The following BICRAL variants were observed in gnomAD, a reference collection of about 807,000 sequenced individuals.
BICRAL encodes BRD4-interacting chromatin-remodeling complex-associated protein-like.
A neutral mutation model predicts 91.8 loss-of-function variants in BICRAL; 8 were observed. The observed-to-expected ratio is 0.09, with a 90% CI of 0.05 to 0.16. BICRAL has a LOEUF of 0.16. Among genes scored for constraint, BICRAL ranks in the 10% least tolerant of loss-of-function variants. The probability of loss-of-function intolerance (pLI) is 1.00; values close to 1 mark genes in which losing one functional copy is unlikely to be tolerated. For synonymous variants in BICRAL, 445 were observed against 491.1 expected (o/e 0.91, Z 1.24); for missense variants, 1,038 against 1,310.9 (o/e 0.79, Z 3.21).
intron 1 of BICRAL, among the ~76,000 whole-genome samples, chr6:42,808,092 TATG>T (rs202032620): frequency 0.012 from 1,806 of 151,948 alleles, 11 homozygotes; most frequent in Middle Eastern, 0.031. Context: ...TGAAGACAAA[TATG>T]ATGAGATTCC....
chr6:42,852,661 C>CAAA lies in BICRAL; in HGVS notation c.1945+480_1945+482dup, dbSNP rs70990155. ...TGGGTGACAGGGCGAGACTCTGTCT[C>CAAA]AAAAAAAAAAAAAAAAAACCCCACT... is the stretch of plus-strand genomic sequence containing the variant. On this transcript the variant is annotated intron_variant, in intron 7 of 12. Transcript: ENST00000314073. 5.8e-3 allele frequency among the ~76,000 whole-genome samples: 380 copies of CAAA among 66,006 alleles called. 5 individuals carry two copies. The highest frequency in any genetic ancestry group is 0.016 in the African/African-American group (354 of 21,680). The allele number at this position is 66,006 out of a possible 152,430, so 43.3% of individuals were successfully genotyped here.
chr6:42,807,836 A>G (rs554084649), intron 1 of BICRAL, among the ~76,000 whole-genome samples: 1 of 151,950 alleles, frequency 6.6e-6, no homozygotes, highest in African/African-American at 2.4e-5. Flanking sequence ...CGCCTGTACA[A>G]CTGAAAAAAT....
At chr6:42,783,245 T>G (rs1420507551) in intron 1 of BICRAL, among the ~76,000 whole-genome samples, 1 of 151,648 alleles carries the variant, frequency 6.6e-6, no homozygotes, top group Non-Finnish European at 1.5e-5. Flanking sequence ...CGCGGCCGCG[T>G]CCGGCCGAGC....
At chr6:42,812,476 A>G (rs924667083) in intron 2 of BICRAL, among the ~76,000 whole-genome samples, 1 of 152,168 alleles carries the variant, frequency 6.6e-6, no homozygotes, top group African/African-American at 2.4e-5. Context: ...AGTTCAAGAA[A>G]ATAGTGGAAA....
At chr6:42,746,657 C>T (rs766625280), upstream of BICRAL, among the ~76,000 whole-genome samples, 250 of 152,144 alleles carry the variant, frequency 1.6e-3, no homozygotes, top group Admixed American at 3.5e-3. Flanking sequence ...TTTCTTTTCC[C>T]TTCCACCACC....
At chr6:42,771,330 C>A (rs556807997) in intron 1 of BICRAL, among the ~76,000 whole-genome samples, 10 of 152,282 alleles carry the variant, frequency 6.6e-5, no homozygotes, top group African/African-American at 2.2e-4. Context: ...ACTTGCGGCC[C>A]GGCTTCATTA....
Position 42,864,797 on chromosome 6 carries a change from G to C in BICRAL, c.2591G>C (p.Arg864Pro), listed in dbSNP as rs769356045. ...QPPAKAQGRD[R>P]AKTGVTEPMN... ...CCAGCCAAGGCCCAAGGCAGAGACCGAGCCAAAACCGGTGTGACGGAACCC... is the reference window on the plus strand; with the variant it reads ...CCAGCCAAGGCCCAAGGCAGAGACCCAGCCAAAACCGGTGTGACGGAACCC... The change falls in exon 13 of 13, where the codon CGA becomes CCA. Residue 864 changes from arginine to proline, a missense_variant. Arg to Pro is a moderately radical substitution (Grantham distance 103). Transcript: ENST00000314073. 6.2e-7 allele frequency: 1 copy of C among 1,614,166 alleles called. No homozygotes were observed. Among genetic ancestry groups the C allele is most frequent in the Non-Finnish European group, 8.5e-7 (1 of 1,180,030 alleles).
In BICRAL at chr6:42,857,204, G is replaced by A; in HGVS notation, c.2222G>A (p.Gly741Asp). 1 of 1,613,656 alleles carries A rather than the reference G, an allele frequency of 6.2e-7. No homozygotes were observed. Among genetic ancestry groups the A allele is most frequent in the Non-Finnish European group, 8.5e-7 (1 of 1,179,786 alleles). The change falls in exon 10 of 13, where the codon GGC becomes GAC. Residue 741 changes from glycine (G) to aspartate (D), a missense_variant. Coordinates refer to ENST00000314073, the MANE Select transcript of BICRAL (RefSeq NM_001393499.1). ...QRLLSYHVCQ[G>D]SMPTEEDLRK... ...CTGCTCTCCTACCACGTGTGCCAGG[G>A]CTCCATGCCCACTGAAGAAGACTTG...
chr6:42,798,664 C>G (rs1763485639), intron 1 of BICRAL, among the ~76,000 whole-genome samples: 1 of 152,144 alleles, frequency 6.6e-6, no homozygotes, highest in African/African-American at 2.4e-5. Context: ...TCACTACATT[C>G]CAGCCTGGGT....
At chr6:42,857,844 C>G (rs1166387694) in intron 10 of BICRAL, among the ~76,000 whole-genome samples, 9 of 121,862 alleles carry the variant, frequency 7.4e-5, no homozygotes, top group Non-Finnish European at 1.1e-4. Flanking sequence ...GAGTCTCGCT[C>G]TGTCACCCAG....
intron 1 of BICRAL, among the ~76,000 whole-genome samples, chr6:42,749,779 C>T (rs996395390): frequency 6.7e-6 from 1 of 149,214 alleles, no homozygotes; most frequent in Non-Finnish European, 1.5e-5. Context: ...TATTTTTTGG[C>T]CCATCCCTTA....
chr6:42,816,702 T>C (rs779235894), intron 2 of BICRAL, among the ~76,000 whole-genome samples: 4 of 152,120 alleles, frequency 2.6e-5, no homozygotes, highest in Non-Finnish European at 4.4e-5. Flanking sequence ...AATTTCAAAA[T>C]GTACAAAAGG....
chr6:42,829,213 C>CTTA lies in BICRAL; in HGVS notation c.880_881insTTA (p.His294delinsLeuAsn), dbSNP rs1312107636. ...AAATTTTCAAACATCTTTACCTGTG[C>CTTA]ATAACATCATCATACAAAGGGGTCT... On this transcript the variant is annotated protein_altering_variant, in exon 6 of 13. Coordinates refer to ENST00000314073, the MANE Select transcript of BICRAL (RefSeq NM_001393499.1). 2 of 1,613,998 alleles carry CTTA rather than the reference C, an allele frequency of 1.2e-6. No individual in the cohort carries two copies. The highest frequency in any genetic ancestry group is 1.7e-6 in the Non-Finnish European group (2 of 1,179,998).
At chr6:42,779,518 C>T (rs758755136), upstream of BICRAL, among the ~76,000 whole-genome samples, 9 of 152,108 alleles carry the variant, frequency 5.9e-5, no homozygotes, top group Non-Finnish European at 1.2e-4. Flanking sequence ...TTCCAAGGAG[C>T]CCTTGGCTGC....
chr6:42,772,314 G>A (rs77624742), intron 1 of BICRAL, among the ~76,000 whole-genome samples: 2,317 of 152,214 alleles, frequency 0.015, 25 homozygotes, highest in Non-Finnish European at 0.02. Context: ...AAGCAAAGAT[G>A]TTTGAAAGCC....
At chr6:42,810,184 A>T (rs1763814535) in intron 1 of BICRAL, 122 bp from the exon 2 acceptor site, 1 of 152,226 alleles carries the variant, frequency 6.6e-6, no homozygotes, top group Non-Finnish European at 1.5e-5. Flanking sequence ...ATGACAAAAT[A>T]AATGAAGAAA....
At chr6:42,835,264 G>A (rs1764606766) in intron 6 of BICRAL, among the ~76,000 whole-genome samples, 1 of 152,122 alleles carries the variant, frequency 6.6e-6, no homozygotes, top group Non-Finnish European at 1.5e-5. Flanking sequence ...AAGTAGCTGG[G>A]ATTACAGGCG....
chr6:42,832,738 C>T (rs1282617795), intron 6 of BICRAL, among the ~76,000 whole-genome samples: 1 of 151,992 alleles, frequency 6.6e-6, no homozygotes, highest in Non-Finnish European at 1.5e-5. Context: ...TACAAACACA[C>T]ACACACAAAC....
chr6:42,846,002 C>G (rs1209296588), intron 6 of BICRAL, among the ~76,000 whole-genome samples: 1 of 136,146 alleles, frequency 7.3e-6, no homozygotes, highest in African/African-American at 2.8e-5. Context: ...ACCCAGGAGG[C>G]GGAGCTTGCA....
Sources: gnomAD v4.1 joint callset for allele counts (sites outside exome capture counted in the v4.1 genomes callset) on GRCh38, gnomAD v4.1.1 for gene constraint, MANE v1.5 for transcripts, NCBI Gene and HGNC (gene_info 2026-07-23, HGNC 2026-07-21) for gene names.